The following VWA5B1 variants were observed in gnomAD, a reference collection of about 807,000 sequenced individuals.
VWA5B1 encodes the protein von Willebrand factor A domain containing 5B1, also known as von Willebrand factor A domain-containing protein 5B1.
VWA5B1 carries 115 observed loss-of-function variants against 118.2 expected under a neutral mutation model. The ratio of observed to expected loss-of-function variants is 0.97; its 90% CI spans 0.84 to 1.14. The LOEUF is 1.14. VWA5B1 is among the 50% of genes most tolerant of loss of function. The probability of loss-of-function intolerance (pLI) is 0.00; values close to 1 mark genes in which losing one functional copy is unlikely to be tolerated. For missense variants in VWA5B1, 1,596 were observed against 1,603.8 expected (o/e 1.00, Z 0.08); for synonymous variants, 682 against 658.4 (o/e 1.04, Z -0.55).
intron 14 of VWA5B1, chr1:20,338,107 A>AT: frequency 1.7e-6 from 1 of 596,768 alleles, no homozygotes; most frequent in Non-Finnish European, 3.1e-6. Context: ...ATTTGACTTT[A>AT]TAGCAGACCT....
Position 20,341,438 on chromosome 1 carries a change from ACT to A in VWA5B1, c.2134-991_2134-990del, listed in dbSNP as rs139069929. Among the ~76,000 whole-genome samples the A allele has an allele frequency of 4.7e-3, 713 of 152,268 alleles. 1 individual carries two copies. Among genetic ancestry groups the A allele is most frequent in the African/African-American group, 0.015 (639 of 41,540 alleles). ...CATTAGCACTGACAGTCCATGACAG[ACT>A]CTGTCTTTCCATTGACCACAGGGGT... On this transcript the variant is annotated intron_variant, in intron 14 of 21. Coordinates refer to ENST00000289815, the MANE Select transcript of VWA5B1 (RefSeq NM_001039500.3).
Position 20,345,533 on chromosome 1 carries a change from G to A in VWA5B1, c.2704G>A (p.Val902Met), listed in dbSNP as rs375822512. ...CNIISKYTAFVPVDVSKSRYL... is the reference protein window; with the variant it reads ...CNIISKYTAFMPVDVSKSRYL... ...CATCATTAGCAAATACACAGCCTTC[G>A]TGCCTGTGGACGTGAGCAAGAGCCG... The change falls in exon 17 of 22, where the codon GTG becomes ATG. Residue 902 changes from valine (V) to methionine (M), a missense_variant. Val to Met is a conservative substitution (Grantham distance 21). Coordinates refer to ENST00000289815, the MANE Select transcript of VWA5B1 (RefSeq NM_001039500.3). 26 of 1,551,090 alleles carry A rather than the reference G, an allele frequency of 1.7e-5. No individual in the cohort carries two copies. The highest frequency in any genetic ancestry group is 1.6e-4 in the Admixed American group (8 of 50,978).
intron 13 of VWA5B1, 148 bp downstream of exon 13, chr1:20,336,634 G>C (rs2089725867): frequency 1.0e-6 from 1 of 959,020 alleles, no homozygotes; most frequent in Non-Finnish European, 1.4e-6. Flanking sequence ...TTGAGACTTG[G>C]AGAATTTGAG....
chr1:20,306,415 C>T (rs10916756), intron 1 of VWA5B1, among the ~76,000 whole-genome samples: 30,940 of 152,076 alleles, frequency 0.2, 3,780 homozygotes, highest in East Asian at 0.54. Flanking sequence ...CTTCAAAGGA[C>T]GACTCTGACT....
intron 1 of VWA5B1, chr1:20,302,966 G>T (rs1318457784): frequency 6.6e-6 from 1 of 152,244 alleles, no homozygotes; most frequent in Non-Finnish European, 1.5e-5. Context: ...CGTGTTGGCT[G>T]GATATAGGCC....
At chr1:20,318,279 C>A in intron 5 of VWA5B1, 1 of 405,034 alleles carries the variant, frequency 2.5e-6, no homozygotes, top group East Asian at 5.6e-5. Context: ...CACCCTCCGA[C>A]GGAGCGCTGA....
intron 1 of VWA5B1, among the ~76,000 whole-genome samples, chr1:20,291,395 C>CTCTCTCTGT (rs2088301828): frequency 6.9e-6 from 1 of 144,778 alleles, no homozygotes; most frequent in African/African-American, 2.6e-5. Context: ...CTTTCTGTCT[C>CTCTCTCTGT]CTCTATTTCT....
chr1:20,350,912 T>C lies in VWA5B1; in HGVS notation c.3009T>C (p.Asn1003=). 2 of 1,551,942 alleles carry C rather than the reference T, an allele frequency of 1.3e-6. No individual in the cohort carries two copies. Among genetic ancestry groups the C allele is most frequent in the South Asian group, 1.2e-5 (1 of 84,044 alleles). Residue 1003 remains asparagine (N), a synonymous_variant, in exon 20 of 22, where the codon AAT becomes AAC. Transcript: ENST00000289815. Reference sequence around the variant, plus strand: ...TTTCTTCCATGAAGGCCTCAGAGAATCTCTTTGGATCCTGGTAGGTGGGAT... The same window carrying C: ...TTTCTTCCATGAAGGCCTCAGAGAACCTCTTTGGATCCTGGTAGGTGGGAT... The part of the protein sequence containing the change: ...NTLSSMKASE[N]LFGSWLNLNK...
rs943693215 is a variant in VWA5B1, at chr1:20,317,411, TG to T, written c.564-114del. On this transcript the variant is annotated intron_variant, in intron 4 of 21. Transcript: ENST00000289815. ...CAGGTTGAGTGGGAGAGCACGGGTC[TG>T]GGGGCCCCCTTGGTGGGCTGGGCTG... The T allele has an allele frequency of 3.0e-5, 42 of 1,387,850 alleles. No homozygotes were observed. The South Asian group carries it at 3.6e-4, about 12-fold the overall frequency. The allele number at this position is 1,387,850 out of a possible 1,614,324, so 86.0% of individuals were successfully genotyped here.
At chr1:20,336,271 C>G (rs746893419) in intron 12 of VWA5B1, 32 bp from the exon 13 acceptor site, 35 of 1,357,686 alleles carry the variant, frequency 2.6e-5, no homozygotes, top group Non-Finnish European at 5.8e-6. Context: ...CCTAGCCTCA[C>G]TCCTAGCCCT....
chr1:20,303,165 C>T (rs2088544835), intron 1 of VWA5B1: 1 of 152,030 alleles, frequency 6.6e-6, no homozygotes, highest in Non-Finnish European at 1.5e-5. Flanking sequence ...GCAGGACTTC[C>T]TAGAGGGGGC....
intron 17 of VWA5B1, 113 bp from the exon 18 acceptor site, chr1:20,348,132 C>A: frequency 1.9e-6 from 2 of 1,025,660 alleles, no homozygotes; most frequent in Non-Finnish European, 2.9e-6. Context: ...CACCTTCCTG[C>A]CTTTGGATAA....
chr1:20,332,482 A>AAT (rs2089589208), intron 11 of VWA5B1, among the ~76,000 whole-genome samples: 1 of 55,756 alleles, frequency 1.8e-5, no homozygotes, highest in Non-Finnish European at 3.1e-5. Flanking sequence ...TCTGTCTCAA[A>AAT]ATAAAATAAA....
intron 12 of VWA5B1, among the ~76,000 whole-genome samples, chr1:20,333,317 A>C (rs1054718128): frequency 2.0e-5 from 3 of 152,242 alleles, no homozygotes; most frequent in Non-Finnish European, 4.4e-5. Flanking sequence ...TCTACTAAAA[A>C]TATAACAAAA....
chr1:20,344,077 C>T (rs2089957422), intron 16 of VWA5B1, among the ~76,000 whole-genome samples: 1 of 150,244 alleles, frequency 6.7e-6, no homozygotes, highest in Non-Finnish European at 1.5e-5. Context: ...CGTCCACCCA[C>T]CAACACACGC....
chr1:20,306,252 G>A (rs1259611982), intron 1 of VWA5B1, among the ~76,000 whole-genome samples: 1 of 152,022 alleles, frequency 6.6e-6, no homozygotes, highest in Admixed American at 6.5e-5. Flanking sequence ...GTGAGGGAGC[G>A]AGCCATGAGC....
chr1:20,325,575 A>G (rs544557904), intron 8 of VWA5B1, among the ~76,000 whole-genome samples: 3 of 152,190 alleles, frequency 2.0e-5, no homozygotes, highest in Non-Finnish European at 2.9e-5. Context: ...TAGTTCATAA[A>G]TGGAAATCCA....
chr1:20,344,450 C>G (rs962976219), intron 16 of VWA5B1, among the ~76,000 whole-genome samples: 1 of 152,340 alleles, frequency 6.6e-6, no homozygotes, highest in East Asian at 1.9e-4. Context: ...CAATCTCCAT[C>G]CCTTCCTTAC....
chr1:20,343,477 G>T, intron 16 of VWA5B1, 84 bp downstream of exon 16: 1 of 1,166,284 alleles, frequency 8.6e-7, no homozygotes, highest in South Asian at 1.6e-5. Flanking sequence ...TTCCCCACCC[G>T]CCCCCGGTGA....
Sources: gnomAD v4.1 joint callset for allele counts (sites outside exome capture counted in the v4.1 genomes callset) on GRCh38, gnomAD v4.1.1 for gene constraint, MANE v1.5 for transcripts, NCBI Gene and HGNC (gene_info 2026-07-23, HGNC 2026-07-21) for gene names.